Variants in PPEF1 observed in about 807,000 individuals in gnomAD.
PPEF1 encodes protein phosphatase with EF-hand domain 1.
PPEF1 carries 12 observed loss-of-function variants against 53.3 expected under a neutral mutation model. The ratio of observed to expected loss-of-function variants is 0.23; its 90% CI spans 0.14 to 0.36. PPEF1 has a LOEUF of 0.36. Ranked by LOEUF, PPEF1 falls within the 10% of genes least tolerant of loss-of-function variation. The probability of loss-of-function intolerance (pLI) is 1.00; values close to 1 mark genes in which losing one functional copy is unlikely to be tolerated. For synonymous variants in PPEF1, 165 were observed against 176.7 expected (o/e 0.93, Z 0.52); for missense variants, 334 against 490.4 (o/e 0.68, Z 3.01).
intron 4 of PPEF1, among the ~76,000 whole-genome samples, chrX:18,754,852 C>T (rs990521257): frequency 8.9e-6 from 1 of 111,888 alleles, no homozygotes; most frequent in Non-Finnish European, 1.9e-5. Flanking sequence ...CCTCCCACTT[C>T]GGCTTCCCAA....
At chrX:18,700,047 C>T in intron 5 of PPEF1, 1 of 112,001 alleles carries the variant, frequency 8.9e-6, no homozygotes. Context: ...TACTTGAGTG[C>T]ATCTCCAGGC....
upstream of PPEF1, among the ~76,000 whole-genome samples, chrX:18,680,204 T>TTGCTGC (rs757808484): frequency 4.0e-4 from 44 of 109,980 alleles, no homozygotes; most frequent in African/African-American, 5.3e-4. Flanking sequence ...CTCGGGGCCT[T>TTGCTGC]TGCTGCTGCT....
intron 3 of PPEF1, among the ~76,000 whole-genome samples, chrX:18,738,944 A>G (rs1013220379): frequency 5.3e-5 from 6 of 112,165 alleles, no homozygotes; most frequent in African/African-American, 1.9e-4. Flanking sequence ...TGCATGCGTC[A>G]TGTAATTCTC....
chrX:18,825,876 T>G (rs766432140), intron 15 of PPEF1, 41 bp downstream of exon 15: 2 of 953,032 alleles, frequency 2.1e-6, no homozygotes, highest in Admixed American at 5.2e-5. Flanking sequence ...AAAAAGTGTA[T>G]GTGTGTGTGT....
At chrX:18,696,588 G>A (rs770919191) in intron 4 of PPEF1, among the ~76,000 whole-genome samples, 3 of 112,138 alleles carry the variant, frequency 2.7e-5, no homozygotes, top group Middle Eastern at 4.6e-3. Flanking sequence ...AAATAGAAAA[G>A]TTAACAAGAA....
intron 7 of PPEF1, among the ~76,000 whole-genome samples, chrX:18,780,296 G>A (rs938022818): frequency 3.6e-5 from 4 of 112,008 alleles, no homozygotes; most frequent in Non-Finnish European, 7.5e-5. Context: ...GAGAGCTGAA[G>A]AATGAATTAG....
chrX:18,690,295 A>G (rs1273053000), intron 3 of PPEF1, among the ~76,000 whole-genome samples: 2 of 109,663 alleles, frequency 1.8e-5, no homozygotes, highest in African/African-American at 6.6e-5. Context: ...GTGAACTTTT[A>G]GGCATTTGAG....
chrX:18,766,603 G>A (rs993756291), intron 6 of PPEF1, among the ~76,000 whole-genome samples: 2 of 111,783 alleles, frequency 1.8e-5, no homozygotes, highest in Non-Finnish European at 3.8e-5. Context: ...CAGGCCTTAG[G>A]CCTCTTACTC....
intron 10 of PPEF1, among the ~76,000 whole-genome samples, chrX:18,790,659 C>A (rs1432457606): frequency 9.0e-6 from 1 of 110,598 alleles, no homozygotes; most frequent in Non-Finnish European, 1.9e-5. Context: ...ATTCCAAATT[C>A]TTTCTGTTTT....
intron 1 of PPEF1, among the ~76,000 whole-genome samples, chrX:18,721,734 G>A (rs759979180): frequency 1.8e-5 from 2 of 111,809 alleles, no homozygotes; most frequent in Non-Finnish European, 3.8e-5. Context: ...TGGTGGGTAC[G>A]AGAGTAAGTA....
At chrX:18,694,525 C>T (rs1476302148) in intron 4 of PPEF1, among the ~76,000 whole-genome samples, 3 of 111,009 alleles carry the variant, frequency 2.7e-5, no homozygotes, top group Admixed American at 9.6e-5. Flanking sequence ...CTGAGGCAGG[C>T]GGATACCTAG....
At chrX:18,714,400 T>C (rs1414353800) in intron 1 of PPEF1, among the ~76,000 whole-genome samples, 1 of 108,879 alleles carries the variant, frequency 9.2e-6, no homozygotes, top group Non-Finnish European at 1.9e-5. Flanking sequence ...GCCTCCTGAG[T>C]AGCTGGGATT....
intron 1 of PPEF1, among the ~76,000 whole-genome samples, chrX:18,714,826 C>T (rs1382310470): frequency 8.9e-6 from 1 of 111,874 alleles, no homozygotes; most frequent in African/African-American, 3.2e-5. Context: ...TCTCAGTTTG[C>T]AGAAAAGGAA....
intron 4 of PPEF1, 34 bp from the exon 5 acceptor site, chrX:18,757,593 C>T: frequency 9.5e-7 from 1 of 1,053,963 alleles, no homozygotes; most frequent in East Asian, 3.0e-5. Flanking sequence ...CTTCCTTGTT[C>T]ATTACATCTA....
chrX:18,755,763 T>C (rs1012339315), intron 4 of PPEF1, among the ~76,000 whole-genome samples: 11 of 111,486 alleles, frequency 9.9e-5, no homozygotes, highest in Non-Finnish European at 1.9e-4. Context: ...TCTATGGATT[T>C]GTCTAATATG....
chrX:18,689,659 G>A (rs751901569), intron 3 of PPEF1, among the ~76,000 whole-genome samples: 1 of 109,729 alleles, frequency 9.1e-6, no homozygotes, highest in African/African-American at 3.3e-5. Flanking sequence ...GATTGGGCCC[G>A]GGAATCTGTG....
upstream of PPEF1, among the ~76,000 whole-genome samples, chrX:18,679,949 T>G (rs1928813122): frequency 9.1e-6 from 1 of 109,554 alleles, no homozygotes; most frequent in Non-Finnish European, 1.9e-5. Flanking sequence ...ATTAGCCAGG[T>G]ATGGTGGCAT....
At chrX:18,703,421 C>A (rs188481757), upstream of PPEF1, among the ~76,000 whole-genome samples, 9 of 112,229 alleles carry the variant, frequency 8.0e-5, no homozygotes, top group East Asian at 2.5e-3. Flanking sequence ...TGTATAAGTA[C>A]TACCCCTTTC....
At chrX:18,696,464 T>C (rs1929729696) in intron 4 of PPEF1, among the ~76,000 whole-genome samples, 1 of 110,839 alleles carries the variant, frequency 9.0e-6, no homozygotes, top group Admixed American at 9.7e-5. Flanking sequence ...TTTTGAACTT[T>C]TTTCATCATG....
Sources: gnomAD v4.1 joint callset for allele counts (sites outside exome capture counted in the v4.1 genomes callset) on GRCh38, gnomAD v4.1.1 for gene constraint, MANE v1.5 for transcripts, NCBI Gene and HGNC (gene_info 2026-07-23, HGNC 2026-07-21) for gene names.